PDE10A: variants seen among roughly 807,000 people sequenced by gnomAD.
PDE10A encodes the protein cAMP and cAMP-inhibited cGMP 3',5'-cyclic phosphodiesterase 10A.
PDE10A carries 39 observed loss-of-function variants against 97.7 expected under a neutral mutation model. The observed-to-expected ratio is 0.40, with a 90% confidence interval of 0.31 to 0.52. The LOEUF (loss-of-function observed/expected upper bound fraction) is 0.52. Ranked by LOEUF, PDE10A falls within the 20% of genes least tolerant of loss-of-function variation. PDE10A has a pLI of 0.56. For missense variants in PDE10A, 731 were observed against 1,047.8 expected (o/e 0.70, Z 4.17); for synonymous variants, 371 against 376.8 (o/e 0.98, Z 0.18).
intron 12 of PDE10A, among the ~76,000 whole-genome samples, chr6:165,415,064 A>G (rs2128228458): frequency 6.6e-6 from 1 of 152,252 alleles, no homozygotes; most frequent in East Asian, 1.9e-4. Flanking sequence ...AGATATAAGT[A>G]TTTTGTCAGA....
chr6:165,627,693 GATTTTC>G (rs1227615009), intron 1 of PDE10A, among the ~76,000 whole-genome samples: 6 of 152,132 alleles, frequency 3.9e-5, no homozygotes, highest in African/African-American at 1.4e-4. Flanking sequence ...AAACGGCAGG[GATTTTC>G]ATTTTCATTT....
Position 165,540,691 on chromosome 6 carries a change from G to A in PDE10A, c.994+2749C>T, listed in dbSNP as rs551396909. Reference sequence around the variant, plus strand: ...GCTGCCCAGGCTGGAGTGCAGTGGTGCGATCTCTGCTCACTACAACCCACA... The same window carrying A: ...GCTGCCCAGGCTGGAGTGCAGTGGTACGATCTCTGCTCACTACAACCCACA... On this transcript the variant is annotated intron_variant, in intron 2 of 21. Transcript: ENST00000539869. 7.9e-5 allele frequency among the ~76,000 whole-genome samples: 12 copies of A among 152,248 alleles called. No individual in the cohort carries two copies. The South Asian group carries it at 2.5e-3, about 32-fold the overall frequency.
chr6:165,799,178 C>T (rs1778911773), intron 1 of PDE10A, among the ~76,000 whole-genome samples: 1 of 152,192 alleles, frequency 6.6e-6, no homozygotes, highest in Non-Finnish European at 1.5e-5. Flanking sequence ...CAGCAAAGCC[C>T]ACCCCTGATG....
At chr6:165,741,618 A>G (rs1205758519) in intron 1 of PDE10A, among the ~76,000 whole-genome samples, 2 of 152,212 alleles carry the variant, frequency 1.3e-5, no homozygotes, top group Non-Finnish European at 2.9e-5. Flanking sequence ...AAAGCATGTC[A>G]TTTTACAGCA....
intron 1 of PDE10A, among the ~76,000 whole-genome samples, chr6:165,965,981 G>C (rs2128499524): frequency 6.6e-6 from 1 of 152,354 alleles, no homozygotes; most frequent in African/African-American, 2.4e-5. Flanking sequence ...CTGTTCCATT[G>C]TATTTAATAC....
At chr6:165,637,571 T>C (rs1401429392) in intron 1 of PDE10A, among the ~76,000 whole-genome samples, 3 of 152,218 alleles carry the variant, frequency 2.0e-5, no homozygotes, top group African/African-American at 7.2e-5. Flanking sequence ...GAGAACGTCC[T>C]GTGTGTCGGG....
chr6:165,738,712 G>A (rs1792644848), intron 1 of PDE10A, among the ~76,000 whole-genome samples: 1 of 151,968 alleles, frequency 6.6e-6, no homozygotes, highest in South Asian at 2.1e-4. Context: ...ATTCTAACTG[G>A]TGTGAGATGA....
rs544229667 is a variant in PDE10A at position 165,655,019 on chromosome 6, C to T, written c.865+6928G>A. The stretch of plus-strand genomic sequence containing the variant: ...TCACGACTGTGGCTTCAACGACTAC[C>T]TTGGTGTTGCAGAGTCCAAATCTCT... On this transcript the variant is annotated intron_variant, in intron 1 of 21. Coordinates refer to ENST00000539869, the MANE Select transcript of PDE10A (RefSeq NM_001385079.1). The surrounding 1 kb of genome is among the most constrained non-coding windows in gnomAD (Gnocchi z 4.5). 6.6e-6 allele frequency among the ~76,000 whole-genome samples: 1 copy of T among 152,224 alleles called. No individual in the cohort carries two copies. The highest frequency in any genetic ancestry group is 1.9e-4 in the East Asian group (1 of 5,196).
intron 1 of PDE10A, among the ~76,000 whole-genome samples, chr6:165,866,509 C>T (rs773462802): frequency 2.0e-5 from 3 of 151,740 alleles, no homozygotes; most frequent in Admixed American, 2.0e-4. Context: ...AACTTATGAA[C>T]CAATTTTCAA....
chr6:165,721,466 A>G (rs564823403), intron 1 of PDE10A, among the ~76,000 whole-genome samples: 3 of 152,368 alleles, frequency 2.0e-5, no homozygotes, highest in African/African-American at 7.2e-5. Flanking sequence ...AGAACTGTGC[A>G]GGAGACACTT....
In PDE10A at chr6:165,671,195, A is replaced by G. The variant is rs1790637915; in HGVS notation, c.-614-127627T>C. Among the ~76,000 whole-genome samples the G allele has an allele frequency of 1.3e-5, 2 of 151,700 alleles. No individual in the cohort carries two copies. The highest frequency in any genetic ancestry group is 2.9e-5 in the Non-Finnish European group (2 of 67,944). ...TGCTTGCTACAAATTCCCAAAGTCT[A>G]CTTGTTTTTGTAAATGTCATCTGGT... On this transcript the variant is annotated intron_variant, in intron 1 of 19. Coordinates refer to the PDE10A transcript ENST00000366882. This position sits in a 1 kb window ranked among gnomAD's most constrained non-coding sequence, Gnocchi z 4.6.
intron 1 of PDE10A, among the ~76,000 whole-genome samples, chr6:165,561,025 C>G (rs900885913): frequency 5.9e-5 from 9 of 152,088 alleles, no homozygotes; most frequent in African/African-American, 2.2e-4. Context: ...CGAGACCATC[C>G]TGGCTAACAC....
intron 1 of PDE10A, among the ~76,000 whole-genome samples, chr6:165,721,869 G>A (rs766759261): frequency 2.6e-5 from 4 of 152,092 alleles, no homozygotes; most frequent in Non-Finnish European, 4.4e-5. Flanking sequence ...ACGCTAAGAC[G>A]GATAAGGTTC....
chr6:165,576,438 T>C (rs764807122), intron 1 of PDE10A: 1 of 780,940 alleles, frequency 1.3e-6, no homozygotes, highest in Non-Finnish European at 2.4e-6. Context: ...TTTCCTCTCT[T>C]CTATCCTCAT....
chr6:165,721,885 G>A (rs1197948359), intron 1 of PDE10A, among the ~76,000 whole-genome samples: 1 of 152,128 alleles, frequency 6.6e-6, no homozygotes, highest in African/African-American at 2.4e-5. Context: ...GGTTCCTAAA[G>A]CTCCTAAATC....
At chr6:165,412,614 T>C (rs1013345967) in intron 13 of PDE10A, among the ~76,000 whole-genome samples, 3 of 152,104 alleles carry the variant, frequency 2.0e-5, no homozygotes, top group East Asian at 1.9e-4. Flanking sequence ...TCTCACTAAA[T>C]AGCACAAACT....
At chr6:165,534,727 G>A (rs924016804) in intron 2 of PDE10A, among the ~76,000 whole-genome samples, 27 of 151,974 alleles carry the variant, frequency 1.8e-4, no homozygotes, top group African/African-American at 6.3e-4. Flanking sequence ...TGCTGAAAAA[G>A]CATTCAATAA....
rs777209988 is a variant in PDE10A at position 165,661,989 on chromosome 6, CATT to C, written c.820_822del (p.Asn274del). 7.3e-7 allele frequency: 1 copy of C among 1,372,540 alleles called. No homozygotes were observed. The highest frequency in any genetic ancestry group is 2.0e-5 in the Admixed American group (1 of 49,960). 85.0% of individuals were successfully genotyped at this position (1,372,540 alleles called of 1,614,324 possible). On this transcript the variant is annotated inframe_deletion, in exon 1 of 22. Transcript: ENST00000539869. The surrounding 1 kb of genome is among the most constrained non-coding windows in gnomAD (Gnocchi z 4.8). ...TCGGTCAGCCTTCGGAAGCAGCTCG[CATT>C]ATTAGAAGGTCCATCTTCCATGTCG...
At chr6:165,749,342 C>CAAT (rs1393064912) in intron 1 of PDE10A, among the ~76,000 whole-genome samples, 10 of 141,238 alleles carry the variant, frequency 7.1e-5, no homozygotes, top group African/African-American at 2.3e-4. Context: ...CCACCATCAC[C>CAAT]ACCACCATTA....
Sources: allele counts gnomAD v4.1 joint callset (sites outside exome capture counted in the v4.1 genomes callset), GRCh38; gene constraint gnomAD v4.1.1; non-coding constraint Gnocchi (gnomAD v3.1); transcripts MANE v1.5; gene names NCBI Gene and HGNC (gene_info 2026-07-23, HGNC 2026-07-21).